The following LMX1A variants were observed in gnomAD, a reference collection of about 807,000 sequenced individuals.
LMX1A encodes the protein LIM homeobox transcription factor 1 alpha.
A neutral mutation model predicts 49.1 loss-of-function variants in LMX1A; 15 were observed. The ratio of observed to expected loss-of-function variants is 0.31; its 90% CI spans 0.20 to 0.47. The LOEUF is 0.47. Ranked by LOEUF, LMX1A falls within the 20% of genes least tolerant of loss-of-function variation. LMX1A has a pLI of 1.00. For synonymous variants in LMX1A, 167 were observed against 185.7 expected, an observed-to-expected ratio of 0.90 and a Z score of 0.82; for missense variants, 372 against 475.8, an observed-to-expected ratio of 0.78 and a Z score of 2.03.
intron 3 of LMX1A, among the ~76,000 whole-genome samples, chr1:165,307,279 A>G (rs763237820): frequency 7.2e-5 from 11 of 152,220 alleles, no homozygotes; most frequent in Non-Finnish European, 1.3e-4. Context: ...TCTATATTAC[A>G]TCATTGGCCT....
intron 4 of LMX1A, among the ~76,000 whole-genome samples, chr1:165,232,563 A>G (rs530535066): frequency 6.6e-6 from 1 of 152,328 alleles, no homozygotes; most frequent in South Asian, 2.1e-4. Flanking sequence ...GCTTTCAGGA[A>G]AGCACACACT....
chr1:165,209,754 C>T (rs772879353), intron 6 of LMX1A, among the ~76,000 whole-genome samples: 17 of 152,188 alleles, frequency 1.1e-4, no homozygotes, highest in Non-Finnish European at 2.1e-4. Context: ...GTAAGTATTT[C>T]CCTGAATTCT....
intron 3 of LMX1A, among the ~76,000 whole-genome samples, chr1:165,348,337 A>T (rs1254432298): frequency 6.6e-6 from 1 of 152,198 alleles, no homozygotes; most frequent in Non-Finnish European, 1.5e-5. Flanking sequence ...AGATTCCAAG[A>T]AAGTCTTACC....
At chr1:165,232,135 G>A (rs572409784) in intron 4 of LMX1A, among the ~76,000 whole-genome samples, 1 of 152,350 alleles carries the variant, frequency 6.6e-6, no homozygotes, top group Non-Finnish European at 1.5e-5. Flanking sequence ...GGTCCACAGA[G>A]CAGGGAAGGC....
intron 3 of LMX1A, among the ~76,000 whole-genome samples, chr1:165,278,569 C>T (rs183015067): frequency 1.2e-3 from 178 of 152,276 alleles, no homozygotes; most frequent in Admixed American, 2.9e-3. Context: ...TCTCTTCTCT[C>T]TTCCCCATCC....
rs76172284 is a variant in LMX1A, at chr1:165,231,653, T to C, written c.496+17755A>G. ...GTTTTAAATTATATAGTCTGCTTAA[T>C]TGAGAACTCTAGTTAACTTGGTTCC... is the stretch of plus-strand genomic sequence containing the variant. On this transcript the variant is annotated intron_variant, in intron 4 of 8. Transcript: ENST00000342310. Among the ~76,000 whole-genome samples the C allele has an allele frequency of 8.3e-3, 1,266 of 152,362 alleles. 15 individuals are homozygous for C. The highest frequency in any genetic ancestry group is 0.013 in the Non-Finnish European group (857 of 68,032).
chr1:165,346,828 C>T lies in LMX1A; in HGVS notation c.263+6248G>A, dbSNP rs191442468. Reference sequence around the variant, plus strand: ...ACAGTGTTTACACCTCCTTTTTAGCCGATATAGCTCTAATCCTCCCGTTAA... The same window carrying T: ...ACAGTGTTTACACCTCCTTTTTAGCTGATATAGCTCTAATCCTCCCGTTAA... On this transcript the variant is annotated intron_variant, in intron 3 of 8. Coordinates refer to ENST00000342310, the MANE Select transcript of LMX1A (RefSeq NM_177398.4). Among the ~76,000 whole-genome samples the T allele has an allele frequency of 1.2e-3, 180 of 152,174 alleles. 1 individual carries two copies. The highest frequency in any genetic ancestry group is 4.0e-3 in the African/African-American group (165 of 41,496).
At chr1:165,318,273 A>C (rs966864592) in intron 3 of LMX1A, among the ~76,000 whole-genome samples, 3 of 152,222 alleles carry the variant, frequency 2.0e-5, no homozygotes, top group Non-Finnish European at 4.4e-5. Context: ...ATCCCAATGC[A>C]GAAAAGAAAT....
At chr1:165,317,288 T>C (rs906269) in intron 3 of LMX1A, among the ~76,000 whole-genome samples, 132,902 of 152,222 alleles carry the variant, frequency 0.87, 58,498 homozygotes, top group East Asian at 0.94. Context: ...TATGCTCCAA[T>C]GATTCCAACT....
intron 3 of LMX1A, among the ~76,000 whole-genome samples, chr1:165,254,372 G>A (rs1314036035): frequency 6.6e-6 from 1 of 152,114 alleles, no homozygotes; most frequent in African/African-American, 2.4e-5. Flanking sequence ...AAATGGTCAT[G>A]GTCACTGGGG....
chr1:165,234,392 C>A (rs1652351848), intron 4 of LMX1A, among the ~76,000 whole-genome samples: 1 of 152,138 alleles, frequency 6.6e-6, no homozygotes, highest in Admixed American at 6.5e-5. Context: ...ATATACACAC[C>A]CCAAGAGGAA....
intron 3 of LMX1A, among the ~76,000 whole-genome samples, chr1:165,263,125 T>C (rs111551992): frequency 6.6e-6 from 1 of 152,238 alleles, no homozygotes; most frequent in African/African-American, 2.4e-5. Context: ...TCTTTATCTA[T>C]GCTCGCTCCC....
intron 3 of LMX1A, among the ~76,000 whole-genome samples, chr1:165,337,671 A>C (rs1380054705): frequency 6.6e-6 from 1 of 152,158 alleles, no homozygotes; most frequent in Non-Finnish European, 1.5e-5. Flanking sequence ...CTTGGATTTT[A>C]AAATAGCTTG....
intron 3 of LMX1A, among the ~76,000 whole-genome samples, chr1:165,286,792 G>GC (rs11406982): frequency 1 from 152,188 of 152,294 alleles, 76,041 homozygotes; most frequent in East Asian, 1. Context: ...CTGAAAACAA[G>GC]CCCTTTCCAA....
chr1:165,319,725 GC>G (rs1250100662), intron 3 of LMX1A, among the ~76,000 whole-genome samples: 1 of 152,042 alleles, frequency 6.6e-6, no homozygotes, highest in Non-Finnish European at 1.5e-5. Context: ...AGACAGACAG[GC>G]AGACACACAA....
intron 3 of LMX1A, among the ~76,000 whole-genome samples, chr1:165,263,630 T>C (rs2101688330): frequency 6.6e-6 from 1 of 152,352 alleles, no homozygotes; most frequent in South Asian, 2.1e-4. Context: ...TCTTGTCACC[T>C]GCTATGCTGA....
intron 3 of LMX1A, among the ~76,000 whole-genome samples, chr1:165,299,903 T>G (rs1654728210): frequency 1.3e-5 from 2 of 151,868 alleles, no homozygotes; most frequent in Middle Eastern, 3.4e-3. Flanking sequence ...CTCCCTGACC[T>G]CCCCCAAGAC....
At position 165,294,627 on chromosome 1, in the gene LMX1A, G is replaced by A. The variant is rs1272970424; in HGVS notation, c.264-44987C>T. ...TTATTTTTGACCCTTTAGCAGTTAA[G>A]CCTTTGAGTATCTGATAAAAGCTAT... On this transcript the variant is annotated intron_variant, in intron 3 of 8. Transcript: ENST00000342310. Among the ~76,000 whole-genome samples, 3 of 152,366 alleles carry A rather than the reference G, an allele frequency of 2.0e-5. No individual in the cohort carries two copies. The East Asian group carries it at 5.8e-4, about 29-fold the overall frequency.
chr1:165,284,062 A>G (rs1654232771), intron 3 of LMX1A, among the ~76,000 whole-genome samples: 1 of 152,308 alleles, frequency 6.6e-6, no homozygotes, highest in South Asian at 2.1e-4. Flanking sequence ...TATTTAAGAA[A>G]CAGTGTTGAG....
Sources: gnomAD v4.1 joint callset for allele counts (sites outside exome capture counted in the v4.1 genomes callset) on GRCh38, gnomAD v4.1.1 for gene constraint, MANE v1.5 for transcripts, NCBI Gene and HGNC (gene_info 2026-07-23, HGNC 2026-07-21) for gene names.